The following ECHDC1 variants were observed in gnomAD, a reference collection of about 807,000 sequenced individuals.
ECHDC1 encodes the protein ethylmalonyl-CoA decarboxylase 1.
A neutral mutation model predicts 29.7 loss-of-function variants in ECHDC1; 29 were observed. The ratio of observed to expected loss-of-function variants is 0.98; its 90% confidence interval spans 0.73 to 1.33. The LOEUF (loss-of-function observed/expected upper bound fraction) is 1.33. ECHDC1 is among the 40% of genes most tolerant of loss of function. The pLI, the probability that ECHDC1 is intolerant of heterozygous loss-of-function variation, is 0.00. For missense variants in ECHDC1, 328 were observed against 350.0 expected (o/e 0.94, Z 0.50); for synonymous variants, 126 against 123.1 (o/e 1.02, Z -0.15).
At chr6:127,333,842 G>T (rs1407054930) in intron 1 of ECHDC1, among the ~76,000 whole-genome samples, 1 of 152,094 alleles carries the variant, frequency 6.6e-6, no homozygotes, top group African/African-American at 2.4e-5. Flanking sequence ...TGCTCCACAA[G>T]TATCACTTCT....
rs992050614 is a variant in ECHDC1 at position 127,290,293 on chromosome 6, GA to G, written c.498-17del. On this transcript the variant is annotated splice_polypyrimidine_tract_variant and intron_variant, in intron 5 of 5. Transcript: ENST00000454859. ...AGTCATTAACCTGTAAAAGAAAAAA[GA>G]AAAGCTTAATTGTAACTCTCTCTGT... 6.3e-7 allele frequency: 1 copy of G among 1,598,096 alleles called. No individual in the cohort carries two copies. Among genetic ancestry groups the G allele is most frequent in the Non-Finnish European group, 8.5e-7 (1 of 1,174,016 alleles).
At chr6:127,306,012 A>AT (rs1199499119) in intron 5 of ECHDC1, among the ~76,000 whole-genome samples, 13 of 150,880 alleles carry the variant, frequency 8.6e-5, no homozygotes, top group Non-Finnish European at 1.5e-4. Context: ...TGGTTGATAG[A>AT]TTAAAAAAAA....
intron 3 of ECHDC1, 130 bp from the exon 4 acceptor site, chr6:127,316,632 A>G (rs540278834): frequency 4.3e-6 from 3 of 691,834 alleles, no homozygotes; most frequent in Non-Finnish European, 7.1e-6. Flanking sequence ...TTTCCATTTA[A>G]AACTCTTTGA....
chr6:127,337,504 T>C (rs1400934870), intron 1 of ECHDC1, among the ~76,000 whole-genome samples: 2 of 152,204 alleles, frequency 1.3e-5, no homozygotes, highest in African/African-American at 4.8e-5. Context: ...CGCTTTAAGT[T>C]GTCCCTCCTT....
chr6:127,340,018 A>G (rs1784785053), intron 1 of ECHDC1, among the ~76,000 whole-genome samples: 1 of 152,178 alleles, frequency 6.6e-6, no homozygotes, highest in Admixed American at 6.5e-5. Context: ...GTCTGGTTTT[A>G]TTCATATTTA....
chr6:127,334,520 C>T (rs1238981072), intron 1 of ECHDC1, among the ~76,000 whole-genome samples: 1 of 152,132 alleles, frequency 6.6e-6, no homozygotes, highest in Non-Finnish European at 1.5e-5. Flanking sequence ...ATAATCCAAT[C>T]AGGACATTTC....
At chr6:127,290,374 A>ATCTT (rs1269947253) in intron 5 of ECHDC1, 97 bp from the exon 6 acceptor site, 71 of 1,250,314 alleles carry the variant, frequency 5.7e-5, no homozygotes, top group Non-Finnish European at 7.4e-5. Flanking sequence ...TTCTCCATAG[A>ATCTT]TCTTTATAGG....
At chr6:127,309,790 T>A (rs143296199) in intron 5 of ECHDC1, among the ~76,000 whole-genome samples, 2,137 of 152,242 alleles carry the variant, frequency 0.014, 50 homozygotes, top group African/African-American at 0.047. Flanking sequence ...TTTACAATCA[T>A]GGCAGAAGGC....
Position 127,327,090 on chromosome 6 carries a change from T to C in ECHDC1, c.275A>G (p.Glu92Gly). ...CCCACGGACAATGAGGCCTTTCCCC[T>C]CTGTCCAATTTTCCAATTCAATTAC... The part of the protein sequence containing the change: ...EKVIELENWT[E>G]GKGLIVRGAK... The change falls in exon 3 of 6, where the codon GAG becomes GGG. Residue 92 changes from glutamate (E) to glycine (G), a missense_variant. By Grantham distance (98) the Glu-to-Gly change is moderately conservative. Coordinates refer to ENST00000454859, the MANE Select transcript of ECHDC1 (RefSeq NM_001002030.2). 1 of 1,613,980 alleles carries C rather than the reference T, an allele frequency of 6.2e-7. No homozygotes were observed. Among genetic ancestry groups the C allele is most frequent in the Non-Finnish European group, 8.5e-7 (1 of 1,179,930 alleles).
At chr6:127,333,250 C>T (rs1480289133) in intron 1 of ECHDC1, among the ~76,000 whole-genome samples, 2 of 152,262 alleles carry the variant, frequency 1.3e-5, no homozygotes, top group East Asian at 3.9e-4. Context: ...GCTCTTTTAT[C>T]TTTTCAGCCA....
intron 5 of ECHDC1, among the ~76,000 whole-genome samples, chr6:127,307,755 C>T (rs1285203662): frequency 1.4e-4 from 7 of 50,128 alleles, no homozygotes; most frequent in African/African-American, 4.8e-4. Context: ...GCCAGACTAA[C>T]AAAGAAAAAA....
At chr6:127,325,433 C>T (rs1430853290) in intron 3 of ECHDC1, among the ~76,000 whole-genome samples, 1 of 151,996 alleles carries the variant, frequency 6.6e-6, no homozygotes, top group Non-Finnish European at 1.5e-5. Context: ...TTCTTTTTAA[C>T]ACTTTGTTGA....
intron 5 of ECHDC1, among the ~76,000 whole-genome samples, chr6:127,293,295 T>A (rs1780344379): frequency 6.6e-6 from 1 of 152,194 alleles, no homozygotes; most frequent in South Asian, 2.1e-4. Flanking sequence ...AGCCTTTTTG[T>A]AATGTTGATT....
intron 1 of ECHDC1, among the ~76,000 whole-genome samples, chr6:127,335,758 C>T (rs1238616864): frequency 6.6e-6 from 1 of 151,992 alleles, no homozygotes; most frequent in Non-Finnish European, 1.5e-5. Context: ...TAATAAGCAA[C>T]TAATAAGGAA....
chr6:127,342,682 G>A (rs747904790), intron 1 of ECHDC1: 3 of 319,860 alleles, frequency 9.4e-6, no homozygotes, highest in Non-Finnish European at 1.1e-5. Context: ...GTGGAACAGA[G>A]CAAAGAACTG....
At chr6:127,322,640 A>ATG (rs1180183413) in intron 3 of ECHDC1, among the ~76,000 whole-genome samples, 66 of 100,596 alleles carry the variant, frequency 6.6e-4, no homozygotes, top group African/African-American at 1.3e-3. Flanking sequence ...CTATATATAT[A>ATG]TGTGTGTATA....
intron 1 of ECHDC1, among the ~76,000 whole-genome samples, chr6:127,332,377 T>C (rs916741760): frequency 6.6e-6 from 1 of 152,154 alleles, no homozygotes; most frequent in Non-Finnish European, 1.5e-5. Context: ...CAATTCAGAA[T>C]ATTTATTTTG....
chr6:127,308,178 G>C (rs1781601273), intron 5 of ECHDC1, among the ~76,000 whole-genome samples: 1 of 152,046 alleles, frequency 6.6e-6, no homozygotes, highest in African/African-American at 2.4e-5. Context: ...TACCAAACCA[G>C]ATAAAGACAC....
chr6:127,327,535 A>C (rs959322946), intron 2 of ECHDC1, among the ~76,000 whole-genome samples: 1 of 152,176 alleles, frequency 6.6e-6, no homozygotes, highest in Non-Finnish European at 1.5e-5. Flanking sequence ...TCAGTCAATA[A>C]AGCTTTATGG....
Sources: allele counts gnomAD v4.1 joint callset (sites outside exome capture counted in the v4.1 genomes callset), GRCh38; gene constraint gnomAD v4.1.1; transcripts MANE v1.5; gene names NCBI Gene and HGNC (gene_info 2026-07-23, HGNC 2026-07-21).